Variants in AMPD3 observed in about 807,000 individuals in gnomAD.
AMPD3 encodes adenosine monophosphate deaminase 3.
A neutral mutation model predicts 82.3 loss-of-function variants in AMPD3; 57 were observed. The observed-to-expected ratio is 0.69, with a 90% CI of 0.56 to 0.86. The LOEUF (loss-of-function observed/expected upper bound fraction) is 0.86. AMPD3 is among the 40% of genes least tolerant of loss of function. The probability of loss-of-function intolerance (pLI) is 0.00; values close to 1 mark genes in which losing one functional copy is unlikely to be tolerated. For missense variants in AMPD3, 870 were observed against 1,003.8 expected (o/e 0.87, Z 1.80); for synonymous variants, 381 against 394.7 (o/e 0.97, Z 0.41).
At chr11:10,488,091 C>G (rs1226348460) in intron 6 of AMPD3, 1 of 418,214 alleles carries the variant, frequency 2.4e-6, no homozygotes, top group Non-Finnish European at 3.2e-6. Flanking sequence ...AGAAAAGCCT[C>G]TGATATGCTC....
intron 1 of AMPD3, among the ~76,000 whole-genome samples, chr11:10,457,869 T>C (rs1037977383): frequency 6.6e-6 from 1 of 152,226 alleles, no homozygotes; most frequent in Non-Finnish European, 1.5e-5. Flanking sequence ...CACTCCAGCC[T>C]GGGCAACTGA....
chr11:10,485,108 G>A (rs1849029189), intron 5 of AMPD3, 69 bp downstream of exon 5: 10 of 1,460,204 alleles, frequency 6.8e-6, no homozygotes, highest in Non-Finnish European at 8.5e-6. Flanking sequence ...GATGAGAAAG[G>A]CCTCACCCCT....
At chr11:10,502,523 G>C in intron 12 of AMPD3, 198 bp from the exon 13 acceptor site, 2 of 985,474 alleles carry the variant, frequency 2.0e-6, no homozygotes, top group Non-Finnish European at 2.4e-6. Context: ...ATGCAATGTA[G>C]GAATGAGATG....
At chr11:10,502,325 T>G in intron 12 of AMPD3, 1 of 985,460 alleles carries the variant, frequency 1.0e-6, no homozygotes, top group Non-Finnish European at 1.2e-6. Flanking sequence ...AGTCTCAACC[T>G]GGCTGTTTGC....
chr11:10,472,849 T>G (rs1337479097), intron 2 of AMPD3, among the ~76,000 whole-genome samples: 1 of 149,014 alleles, frequency 6.7e-6, no homozygotes, highest in South Asian at 2.1e-4. Flanking sequence ...ACTAAAAATA[T>G]AAAGGTTAGC....
intron 2 of AMPD3, among the ~76,000 whole-genome samples, chr11:10,465,609 G>A (rs1285319673): frequency 6.6e-6 from 1 of 152,180 alleles, no homozygotes; most frequent in East Asian, 1.9e-4. Context: ...AGAAGCACAA[G>A]GGATGGGGGA....
chr11:10,484,428 C>T (rs985975724), intron 4 of AMPD3: 25 of 985,170 alleles, frequency 2.5e-5, no homozygotes, highest in Non-Finnish European at 3.0e-5. Context: ...GAGAAGACAC[C>T]GCTGCTCTTT....
At chr11:10,465,774 C>T (rs902064119) in intron 2 of AMPD3, among the ~76,000 whole-genome samples, 1 of 150,282 alleles carries the variant, frequency 6.7e-6, no homozygotes, top group Non-Finnish European at 1.5e-5. Flanking sequence ...GTTTCAAGCA[C>T]AAAACAGGGC....
intron 1 of AMPD3, among the ~76,000 whole-genome samples, chr11:10,457,435 A>T (rs1363731480): frequency 6.6e-6 from 1 of 152,176 alleles, no homozygotes; most frequent in African/African-American, 2.4e-5. Context: ...GGGCTGTGGA[A>T]TGCAACATCT....
At chr11:10,494,561 G>A in intron 7 of AMPD3, 3 of 985,382 alleles carry the variant, frequency 3.0e-6, no homozygotes, top group African/African-American at 1.7e-5. Flanking sequence ...TGGAGAAAGT[G>A]CTTTACAAAA....
intron 12 of AMPD3, chr11:10,502,366 C>T (rs1849603532): frequency 1.0e-6 from 1 of 985,310 alleles, no homozygotes; most frequent in Admixed American, 6.1e-5. Flanking sequence ...TAGAGGGGGG[C>T]ATCTTCTAGA....
intron 12 of AMPD3, 120 bp from the exon 13 acceptor site, chr11:10,502,601 C>A (rs1385879802): frequency 3.1e-6 from 5 of 1,590,558 alleles, no homozygotes; most frequent in Non-Finnish European, 4.3e-6. Flanking sequence ...AGGACTTGGG[C>A]AGACATGGTT....
rs911432200 is a variant in AMPD3, at chr11:10,496,181, C to G, written c.1430+448C>G. ...CCACCTGCCTCAGCCTCCCAAAATG[C>G]TGGGATTACAGGTGTGAGCCACTGC... On this transcript the variant is annotated intron_variant, in intron 9 of 14. Transcript: ENST00000396553. 81 of 975,822 alleles carry G rather than the reference C, an allele frequency of 8.3e-5. 1 individual carries two copies. Among genetic ancestry groups the G allele is most frequent in the Middle Eastern group, 5.2e-4 (1 of 1,918 alleles). 60.4% of individuals were successfully genotyped at this position (975,822 alleles called of 1,614,324 possible).
chr11:10,482,102 G>GC lies in AMPD3; in HGVS notation c.468dup (p.Lys157GlnfsTer57). 6.2e-7 allele frequency: 1 copy of GC among 1,614,172 alleles called. No homozygotes were observed. The highest frequency in any genetic ancestry group is 8.5e-7 in the Non-Finnish European group (1 of 1,180,040). ...CTATGAGCAGGCAGCCAAGAGTCTG[G>GC]CCAAGGCCCTAATGATCCGGGAGAA... On this transcript the variant is annotated frameshift_variant, in exon 4 of 15. Transcript: ENST00000396553. LOFTEE classifies it high-confidence loss of function.
At chr11:10,450,473 G>A, upstream of AMPD3, 1 of 985,684 alleles carries the variant, frequency 1.0e-6, no homozygotes, top group South Asian at 4.7e-5. Context: ...GACCCCCAGA[G>A]TCTCGCGCTG....
intron 2 of AMPD3, chr11:10,478,236 G>C: frequency 1.0e-6 from 1 of 985,390 alleles, no homozygotes; most frequent in Non-Finnish European, 1.2e-6. Flanking sequence ...TCTGCCATTT[G>C]TCTCTCTGTC....
Position 10,484,940 on chromosome 11 carries a change from TGCTGGA to T in AMPD3, c.713_718del (p.Leu238_Glu239del). On this transcript the variant is annotated inframe_deletion, in exon 5 of 15. Coordinates refer to ENST00000396553, the MANE Select transcript of AMPD3 (RefSeq NM_001025389.2). ...CTCTTTGTGTATGATAACAAGAAGA[TGCTGGA>T]GCACCAGGAGCCGCACAGCCTACCC... 1 of 1,614,070 alleles carries T rather than the reference TGCTGGA, an allele frequency of 6.2e-7. No homozygotes were observed. Among genetic ancestry groups the T allele is most frequent in the Non-Finnish European group, 8.5e-7 (1 of 1,180,018 alleles).
At chr11:10,501,130 G>C in intron 11 of AMPD3, 3 of 985,376 alleles carry the variant, frequency 3.0e-6, no homozygotes, top group Non-Finnish European at 3.6e-6. Flanking sequence ...ACAGAGGTCA[G>C]ACTCTGTGGT....
intron 2 of AMPD3, among the ~76,000 whole-genome samples, chr11:10,467,467 GA>G (rs1158180763): frequency 3.3e-5 from 5 of 151,686 alleles, no homozygotes; most frequent in African/African-American, 1.2e-4. Context: ...AAGATAAGAG[GA>G]AAAAAAATGA....
Sources: gnomAD v4.1 joint callset for allele counts (sites outside exome capture counted in the v4.1 genomes callset) on GRCh38, gnomAD v4.1.1 for gene constraint, MANE v1.5 for transcripts, NCBI Gene and HGNC (gene_info 2026-07-23, HGNC 2026-07-21) for gene names.